The following CEP15 variants were observed in gnomAD, a reference collection of about 807,000 sequenced individuals.
The protein encoded by CEP15 is centrosomal protein 15.
At chr3:62,320,358 T>C in the CEP15 span, 2 of 765,314 alleles carry the variant, frequency 2.6e-6, no homozygotes, top group Admixed American at 6.1e-5. Flanking sequence ...TTCTTTTCTC[T>C]TCTGAGAGAA....
At chr3:62,333,310 T>TA in the CEP15 span, 1 of 1,611,846 alleles carries the variant, frequency 6.2e-7, no homozygotes, top group Non-Finnish European at 8.5e-7. The surrounding 1 kb of genome is among the most constrained non-coding windows in gnomAD (Gnocchi z 4.0). Context: ...CAGTTTCTTT[T>TA]AGGAAGAGCA....
chr3:62,335,240 AC>A, the CEP15 span: 1 of 152,124 alleles, frequency 6.6e-6, no homozygotes, highest in African/African-American at 2.4e-5. Flanking sequence ...AAAACTGAGA[AC>A]TTGCTAAATA....
the CEP15 span, among the ~76,000 whole-genome samples, chr3:62,324,929 A>G: frequency 6.6e-6 from 1 of 152,248 alleles, no homozygotes; most frequent in Non-Finnish European, 1.5e-5. Flanking sequence ...GCATTTTGGA[A>G]TGATATGGTT....
chr3:62,331,307 T>C, the CEP15 span: 9 of 1,610,236 alleles, frequency 5.6e-6, no homozygotes, highest in East Asian at 1.8e-4. Context: ...TAATATAAAA[T>C]GCCGATATCT....
At chr3:62,327,078 C>T in the CEP15 span, among the ~76,000 whole-genome samples, 6 of 152,176 alleles carry the variant, frequency 3.9e-5, no homozygotes, top group African/African-American at 1.4e-4. Flanking sequence ...CTGACCTTTT[C>T]ATCCACTTTT....
the CEP15 span, chr3:62,333,266 G>A: frequency 1.9e-6 from 3 of 1,608,920 alleles, no homozygotes; most frequent in Non-Finnish European, 2.5e-6. The surrounding 1 kb of genome is among the most constrained non-coding windows in gnomAD (Gnocchi z 4.0). Context: ...CTCGTTACTG[G>A]GCATCAGTAG....
At chr3:62,327,488 G>GAGA in the CEP15 span, among the ~76,000 whole-genome samples, 1,557 of 150,814 alleles carry the variant, frequency 0.01, 7 homozygotes, top group Middle Eastern at 0.031. Context: ...GTAGCCACAT[G>GAGA]AGAAGTTCTA....
the CEP15 span, chr3:62,333,329 T>C: frequency 8.1e-6 from 13 of 1,611,814 alleles, no homozygotes; most frequent in Non-Finnish European, 1.1e-5. This position sits in a 1 kb window ranked among gnomAD's most constrained non-coding sequence, Gnocchi z 4.0. Context: ...CACCATATCC[T>C]TTTGCTGTTG....
At chr3:62,329,593 T>C in the CEP15 span, among the ~76,000 whole-genome samples, 1 of 152,186 alleles carries the variant, frequency 6.6e-6, no homozygotes, top group African/African-American at 2.4e-5. Context: ...GGCTGATCAT[T>C]TATAGTCAGA....
chr3:62,324,042 T>C, the CEP15 span: 2 of 152,144 alleles, frequency 1.3e-5, no homozygotes, highest in African/African-American at 4.8e-5. Flanking sequence ...TTTTAAACTT[T>C]GGAAAGAATT....
At chr3:62,326,022 CA>C in the CEP15 span, among the ~76,000 whole-genome samples, 62,817 of 106,632 alleles carry the variant, frequency 0.59, 15,186 homozygotes, top group African/African-American at 0.72. Flanking sequence ...GACTTCGTCT[CA>C]AAAAAAAAAA....
At chr3:62,325,977 T>C in the CEP15 span, among the ~76,000 whole-genome samples, 1 of 149,942 alleles carries the variant, frequency 6.7e-6, no homozygotes, top group African/African-American at 2.5e-5. Flanking sequence ...GTGAGCGAGA[T>C]TGTGCCACTG....
chr3:62,333,157 C>A, the CEP15 span: 33 of 1,011,732 alleles, frequency 3.3e-5, no homozygotes, highest in Non-Finnish European at 4.8e-5. The surrounding 1 kb of genome is among the most constrained non-coding windows in gnomAD (Gnocchi z 4.0). Context: ...TGTGTATACA[C>A]GCATACACAC....
At chr3:62,334,010 G>T in the CEP15 span, 1 of 151,984 alleles carries the variant, frequency 6.6e-6, no homozygotes, top group Admixed American at 6.6e-5. This position sits in a 1 kb window ranked among gnomAD's most constrained non-coding sequence, Gnocchi z 4.9. Flanking sequence ...TTTTGAAAAA[G>T]GATGCCTTTT....
chr3:62,319,652 G>A, the CEP15 span: 1 of 152,236 alleles, frequency 6.6e-6, no homozygotes, highest in African/African-American at 2.4e-5. Context: ...GTGCATAGAT[G>A]TTTAATTTCA....
the CEP15 span, chr3:62,335,700 ACTC>A: frequency 6.6e-6 from 1 of 151,958 alleles, no homozygotes; most frequent in Non-Finnish European, 1.5e-5. Flanking sequence ...GCTCCATTGT[ACTC>A]CACCACTCTT....
the CEP15 span, chr3:62,333,171 T>G: frequency 8.2e-5 from 111 of 1,346,632 alleles, no homozygotes; most frequent in Non-Finnish European, 1.0e-4. This position sits in a 1 kb window ranked among gnomAD's most constrained non-coding sequence, Gnocchi z 4.0. Context: ...TACACACTCT[T>G]AAGTGAATAA....
the CEP15 span, chr3:62,335,664 C>A: frequency 5.9e-5 from 9 of 152,084 alleles, no homozygotes; most frequent in African/African-American, 2.2e-4. Context: ...ATACCTTTCT[C>A]TCCAAATTCA....
At chr3:62,332,017 T>C in the CEP15 span, among the ~76,000 whole-genome samples, 6 of 152,270 alleles carry the variant, frequency 3.9e-5, no homozygotes, top group East Asian at 9.6e-4. Flanking sequence ...TGGGGATAAA[T>C]AGACTCAAAA....
Sources: allele counts gnomAD v4.1 joint callset (sites outside exome capture counted in the v4.1 genomes callset), GRCh38; gene constraint gnomAD v4.1.1; non-coding constraint Gnocchi (gnomAD v3.1); transcripts MANE v1.5; gene names NCBI Gene and HGNC (gene_info 2026-07-23, HGNC 2026-07-21).